Variants in PIAS2 observed in about 807,000 individuals in gnomAD.
PIAS2 encodes the protein E3 SUMO-protein ligase PIAS2.
In PIAS2, 19 loss-of-function variants were observed where a neutral mutation model predicts 69.7. The observed-to-expected ratio is 0.27, with a 90% CI of 0.19 to 0.40. PIAS2 has a LOEUF of 0.40. PIAS2 is among the 10% of genes least tolerant of loss of function. The pLI, the probability that PIAS2 is intolerant of heterozygous loss-of-function variation, is 1.00. For missense variants in PIAS2, 624 were observed against 757.0 expected (o/e 0.82, Z 2.06); for synonymous variants, 261 against 263.2 (o/e 0.99, Z 0.08).
chr18:46,917,201 GGCT>G, intron 1 of PIAS2, 118 bp downstream of exon 1: 1 of 1,281,080 alleles, frequency 7.8e-7, no homozygotes, highest in Non-Finnish European at 1.0e-6. Flanking sequence ...CGCGGGCCGG[GGCT>G]CAGGGCTCCG....
In PIAS2 at chr18:46,804,580, C is replaced by G. The variant is rs1257931605; in HGVS notation, c.*7853G>C. ...TATCTATGCATATTTCTCAATATTC[C>G]TTAGCAAACTTCCAGCAATTCTAAA... On this transcript the variant is annotated 3_prime_UTR_variant, in exon 14 of 14. Transcript: ENST00000585916. The G allele has an allele frequency of 6.6e-6, 1 of 152,170 alleles. No individual in the cohort carries two copies. Among genetic ancestry groups the G allele is most frequent in the African/African-American group, 2.4e-5 (1 of 41,440 alleles). 9.4% of individuals were successfully genotyped at this position (152,170 alleles called of 1,614,324 possible).
intron 2 of PIAS2, among the ~76,000 whole-genome samples, chr18:46,885,249 T>C (rs970514683): frequency 1.3e-5 from 2 of 152,112 alleles, no homozygotes; most frequent in Non-Finnish European, 2.9e-5. Context: ...CCACAGGCAG[T>C]GGGTCATGCC....
chr18:46,894,528 T>C (rs1032771318), intron 1 of PIAS2, among the ~76,000 whole-genome samples: 1 of 152,192 alleles, frequency 6.6e-6, no homozygotes, highest in Non-Finnish European at 1.5e-5. Context: ...GTTAAAACTG[T>C]TATTCCTACA....
At chr18:46,816,115 T>C (rs2041504591) in intron 12 of PIAS2, 2 of 979,574 alleles carry the variant, frequency 2.0e-6, no homozygotes, top group Non-Finnish European at 2.4e-6. Flanking sequence ...TAAACTCTCT[T>C]TAATTATTTC....
intron 9 of PIAS2, among the ~76,000 whole-genome samples, chr18:46,834,544 C>A (rs946762833): frequency 2.6e-5 from 4 of 152,136 alleles, no homozygotes; most frequent in Admixed American, 6.5e-5. Context: ...TCCTATAATA[C>A]AAAAATTAAA....
intron 1 of PIAS2, among the ~76,000 whole-genome samples, chr18:46,915,897 C>A (rs896737138): frequency 5.9e-5 from 9 of 151,998 alleles, no homozygotes; most frequent in Non-Finnish European, 4.4e-5. Context: ...GTCTTCTCAA[C>A]CCATCCTAAA....
At chr18:46,848,122 T>C (rs562150586) in intron 5 of PIAS2, among the ~76,000 whole-genome samples, 1 of 152,202 alleles carries the variant, frequency 6.6e-6, no homozygotes, top group South Asian at 2.1e-4. Context: ...CATACATTTT[T>C]CCACATGACA....
intron 8 of PIAS2, among the ~76,000 whole-genome samples, chr18:46,840,778 T>G (rs969305017): frequency 6.6e-6 from 1 of 152,170 alleles, no homozygotes; most frequent in Non-Finnish European, 1.5e-5. Context: ...TTTAATCAGA[T>G]GATGATGCTT....
At chr18:46,824,241 T>A (rs1255089691) in intron 11 of PIAS2, among the ~76,000 whole-genome samples, 1 of 152,188 alleles carries the variant, frequency 6.6e-6, no homozygotes, top group African/African-American at 2.4e-5. Flanking sequence ...TGTCTGAAAA[T>A]AGGTTGACCA....
chr18:46,888,585 G>T (rs1369850050), intron 2 of PIAS2, among the ~76,000 whole-genome samples: 1 of 152,052 alleles, frequency 6.6e-6, no homozygotes, highest in African/African-American at 2.4e-5. Context: ...AACCTTTTTG[G>T]CCAGGACCAG....
intron 11 of PIAS2, among the ~76,000 whole-genome samples, chr18:46,826,007 T>TA (rs1411552923): frequency 6.6e-6 from 1 of 152,236 alleles, no homozygotes; most frequent in East Asian, 1.9e-4. Flanking sequence ...GTCTGTTTCT[T>TA]AAGAGTTCTT....
chr18:46,848,797 G>C (rs960103167), intron 5 of PIAS2, among the ~76,000 whole-genome samples: 62 of 149,414 alleles, frequency 4.1e-4, no homozygotes, highest in Middle Eastern at 3.5e-3. Context: ...GTGAGAGAGA[G>C]AGAGTAGGAA....
chr18:46,816,735 T>A, intron 12 of PIAS2: 1 of 931,372 alleles, frequency 1.1e-6, no homozygotes, highest in Non-Finnish European at 1.3e-6. Flanking sequence ...CCCAAAGTGC[T>A]GGGATTACAG....
intron 11 of PIAS2, among the ~76,000 whole-genome samples, chr18:46,826,498 T>G (rs976723463): frequency 1.3e-5 from 2 of 152,238 alleles, no homozygotes; most frequent in East Asian, 3.8e-4. Context: ...CTCATGTTTT[T>G]CCACTATATT....
intron 2 of PIAS2, among the ~76,000 whole-genome samples, chr18:46,885,099 A>G (rs2052934758): frequency 6.6e-6 from 1 of 152,124 alleles, no homozygotes; most frequent in African/African-American, 2.4e-5. Context: ...TATTGTATAC[A>G]CTCATGTTTT....
At chr18:46,816,856 C>A in intron 12 of PIAS2, 1 of 979,504 alleles carries the variant, frequency 1.0e-6, no homozygotes, top group Non-Finnish European at 1.2e-6. Flanking sequence ...TTACAACAAA[C>A]TTTTCCAATG....
chr18:46,820,676 T>G (rs936595207), intron 12 of PIAS2, among the ~76,000 whole-genome samples: 1 of 152,132 alleles, frequency 6.6e-6, no homozygotes, highest in Non-Finnish European at 1.5e-5. Flanking sequence ...TAAGTACAAA[T>G]TCTTCAAAAG....
chr18:46,910,097 G>A lies in PIAS2; in HGVS notation c.24+7225C>T, dbSNP rs1032973422. Among the ~76,000 whole-genome samples the A allele has an allele frequency of 5.0e-4, 76 of 151,876 alleles. 1 individual carries two copies. The highest frequency in any genetic ancestry group is 1.6e-4 in the Non-Finnish European group (11 of 67,992). On this transcript the variant is annotated intron_variant, in intron 1 of 13. Transcript: ENST00000585916. ...CTTGAACCTGGGAGGAGGAGGTTGC[G>A]GTGAGTCAAGATCGCGCCACTGCAC...
Position 46,865,481 on chromosome 18 carries a change from A to G in PIAS2, c.500-1233T>C, listed in dbSNP as rs1318525179. On this transcript the variant is annotated intron_variant, in intron 2 of 13. Transcript: ENST00000585916. The stretch of plus-strand genomic sequence containing the variant: ...CTTGAACCTGGGAGGTGGAGGTTGC[A>G]GTGCGCTGAGATCACACCAGTGCAC... Among the ~76,000 whole-genome samples, 2 of 150,056 alleles carry G rather than the reference A, an allele frequency of 1.3e-5. 1 individual carries two copies. Among genetic ancestry groups the G allele is most frequent in the South Asian group, 4.3e-4 (2 of 4,696 alleles).
Sources: gnomAD v4.1 joint callset for allele counts (sites outside exome capture counted in the v4.1 genomes callset) on GRCh38, gnomAD v4.1.1 for gene constraint, MANE v1.5 for transcripts, NCBI Gene and HGNC (gene_info 2026-07-23, HGNC 2026-07-21) for gene names.